Variants in EIF4EBP3 observed in about 807,000 individuals in gnomAD.
The protein encoded by EIF4EBP3 is eukaryotic translation initiation factor 4E-binding protein 3.
A neutral mutation model predicts 12.1 loss-of-function variants in EIF4EBP3; 11 were observed. The observed-to-expected ratio is 0.91, with a 90% CI of 0.57 to 1.51. The LOEUF is 1.51. Among genes scored for constraint, EIF4EBP3 ranks in the 40% most tolerant of loss-of-function variants. The pLI is 0.00. For missense variants in EIF4EBP3, 136 were observed against 131.8 expected (o/e 1.03, Z -0.16); for synonymous variants, 43 against 54.2 (o/e 0.79, Z 0.91).
intron 1 of EIF4EBP3, 147 bp from the exon 2 acceptor site, chr5:140,548,759 A>G (rs1754448346): frequency 1.7e-6 from 2 of 1,155,586 alleles, no homozygotes; most frequent in African/African-American, 1.6e-5. Context: ...CTGAGAACCT[A>G]GCTGGGCTTC....
At chr5:140,549,124 GC>G in intron 2 of EIF4EBP3, 48 bp downstream of exon 2, 1 of 1,613,868 alleles carries the variant, frequency 6.2e-7, no homozygotes, top group Admixed American at 1.7e-5. Flanking sequence ...GAGTTCAAAT[GC>G]CACTGTGACA....
In EIF4EBP3 at chr5:140,547,805, C is replaced by G. The variant is rs1754414633; in HGVS notation, c.68C>G (p.Thr23Arg). 1 of 1,526,700 alleles carries G rather than the reference C, an allele frequency of 6.6e-7. No homozygotes were observed. Among genetic ancestry groups the G allele is most frequent in the Non-Finnish European group, 8.8e-7 (1 of 1,134,734 alleles). The allele number at this position is 1,526,700 out of a possible 1,614,324, so 94.6% of individuals were successfully genotyped here. A position where few individuals can be genotyped will look rare whatever the true frequency, so the allele number is the denominator to read the frequency against. The change falls in exon 1 of 3, where the codon ACG becomes AGG. Residue 23 changes from threonine (T) to arginine (R), a missense_variant. Coordinates refer to ENST00000310331, the MANE Select transcript of EIF4EBP3 (RefSeq NM_003732.3). ...CAGCTGCCCGACTGCTACAGCACCA[C>G]GCCGGGGGGCACGCTATACGCCACT... ...RDQLPDCYST[T>R]PGGTLYATTP...
rs1449981039 is a variant in EIF4EBP3 at position 140,549,319 on chromosome 5, GCCA to G, written c.*63_*65del. The G allele has an allele frequency of 3.1e-6, 5 of 1,613,778 alleles. No homozygotes were observed. The African/African-American group carries it at 4.0e-5, about 13-fold the overall frequency. ...CAGAGGGATCCCTCATGCCACTGCT[GCCA>G]CCACCTCTTCCTGGGGCATCCAAAG... On this transcript the variant is annotated 3_prime_UTR_variant, in exon 3 of 3. Coordinates refer to ENST00000310331, the MANE Select transcript of EIF4EBP3 (RefSeq NM_003732.3).
At chr5:140,548,870 C>G (rs374191761) in intron 1 of EIF4EBP3, 36 bp from the exon 2 acceptor site, 10 of 1,590,540 alleles carry the variant, frequency 6.3e-6, no homozygotes, top group Non-Finnish European at 8.6e-6. Context: ...GGTACCCAAG[C>G]TCCTGACTCT....
intron 1 of EIF4EBP3, among the ~76,000 whole-genome samples, chr5:140,548,543 C>T (rs250425): frequency 0.19 from 29,429 of 152,098 alleles, 3,326 homozygotes; most frequent in East Asian, 0.27. Flanking sequence ...CTCACCTTCA[C>T]TGGTGAGACC....
chr5:140,548,105 T>C (rs1754424868), intron 1 of EIF4EBP3, among the ~76,000 whole-genome samples: 1 of 152,250 alleles, frequency 6.6e-6, no homozygotes, highest in South Asian at 2.1e-4. Context: ...ACACGCTCCT[T>C]ACCCCTCGCG....
chr5:140,549,217 G>T lies in EIF4EBP3; in HGVS notation c.275-17G>T. On this transcript the variant is annotated splice_polypyrimidine_tract_variant and intron_variant, in intron 2 of 2. Coordinates refer to ENST00000310331, the MANE Select transcript of EIF4EBP3 (RefSeq NM_003732.3). ...CCTCAGACCAGCAACCTGTCTTCCT[G>T]CCTTTTCTCTCTCCAGATGACGCAC... The T allele has an allele frequency of 6.2e-7, 1 of 1,614,162 alleles. No homozygotes were observed. The highest frequency in any genetic ancestry group is 2.2e-5 in the East Asian group (1 of 44,880).
In EIF4EBP3 at chr5:140,547,824, C is replaced by A. The variant is rs1287262389; in HGVS notation, c.87C>A (p.Tyr29Ter). The A allele has an allele frequency of 1.3e-6, 2 of 1,486,596 alleles. No homozygotes were observed. The highest frequency in any genetic ancestry group is 1.4e-5 in the African/African-American group (1 of 69,874). 92.1% of individuals were successfully genotyped at this position (1,486,596 alleles called of 1,614,324 possible). A position where few individuals can be genotyped will look rare whatever the true frequency, so the allele number is the denominator to read the frequency against. Residue 29 changes from tyrosine (Y) to a stop codon, truncating the protein, a stop_gained, in exon 1 of 3, where the codon TAC (tyrosine) becomes TAA (stop). Coordinates refer to ENST00000310331, the MANE Select transcript of EIF4EBP3 (RefSeq NM_003732.3). LOFTEE classifies it high-confidence loss of function. ...CYSTTPGGTL[Y>*]ATTPGGTRII... ...GCACCACGCCGGGGGGCACGCTATA[C>A]GCCACTACCCCCGGAGGTCAGCGGG... is the stretch of plus-strand genomic sequence containing the variant.
chr5:140,548,935 CTGCTGGAG>C lies in EIF4EBP3; in HGVS notation c.137_144del (p.Leu46GlnfsTer45). ...CAGGATCATCTACGACCGAAAGTTC[CTGCTGGAG>C]TGCAAGAACTCACCCATTGCCCGGA... is the stretch of plus-strand genomic sequence containing the variant. On this transcript the variant is annotated frameshift_variant, in exon 2 of 3. Coordinates refer to ENST00000310331, the MANE Select transcript of EIF4EBP3 (RefSeq NM_003732.3). LOFTEE classifies it high-confidence loss of function. 6.2e-7 allele frequency: 1 copy of C among 1,614,030 alleles called. No individual in the cohort carries two copies. Among genetic ancestry groups the C allele is most frequent in the Non-Finnish European group, 8.5e-7 (1 of 1,179,962 alleles).
At position 140,549,576 on chromosome 5, in the gene EIF4EBP3, A is replaced by G. The variant is rs1754482995; in HGVS notation, c.*314A>G. The G allele has an allele frequency of 4.7e-6, 2 of 421,746 alleles. No individual in the cohort carries two copies. The highest frequency in any genetic ancestry group is 8.9e-6 in the Non-Finnish European group (2 of 225,478). The allele number at this position is 421,746 out of a possible 1,614,324, so 26.1% of individuals were successfully genotyped here. ...GACTGCTTAGTAAACATTCAAAGAA[A>G]TGCCTTGGCTCCAGTGTTCTCCTCA... On this transcript the variant is annotated 3_prime_UTR_variant, in exon 3 of 3. Transcript: ENST00000310331.
chr5:140,549,291 T>C lies in EIF4EBP3; in HGVS notation c.*29T>C. On this transcript the variant is annotated 3_prime_UTR_variant, in exon 3 of 3. Coordinates refer to ENST00000310331, the MANE Select transcript of EIF4EBP3 (RefSeq NM_003732.3). ...AGTGCAGATGACCTGGCATGTGGAG[T>C]TACAGAGGGATCCCTCATGCCACTG... is the stretch of plus-strand genomic sequence containing the variant. The C allele has an allele frequency of 6.2e-7, 1 of 1,613,916 alleles. No individual in the cohort carries two copies. Among genetic ancestry groups the C allele is most frequent in the Non-Finnish European group, 8.5e-7 (1 of 1,179,942 alleles).
intron 1 of EIF4EBP3, 94 bp from the exon 2 acceptor site, chr5:140,548,812 C>T: frequency 6.7e-7 from 1 of 1,494,294 alleles, no homozygotes; most frequent in Non-Finnish European, 9.0e-7. Flanking sequence ...TGACACCACC[C>T]TCACCTCCAG....
At position 140,547,768 on chromosome 5, in the gene EIF4EBP3, G is replaced by T; in HGVS notation, c.31G>T (p.Gly11Trp). 1.3e-6 allele frequency: 2 copies of T among 1,541,158 alleles called. No individual in the cohort carries two copies. Among genetic ancestry groups the T allele is most frequent in the South Asian group, 2.4e-5 (2 of 83,424 alleles). Residue 11 changes from glycine (G) to tryptophan (W), a missense_variant, in exon 1 of 3, where the codon GGG (glycine) becomes TGG (tryptophan). Gly to Trp is a radical substitution (Grantham distance 184). Transcript: ENST00000310331. MSTSTSCPIPGGRDQLPDCYS... is the reference protein window; with the variant it reads MSTSTSCPIPWGRDQLPDCYS... Reference sequence around the variant, plus strand: ...AACGTCCACTAGCTGCCCGATTCCCGGGGGCCGGGACCAGCTGCCCGACTG... The same window carrying T: ...AACGTCCACTAGCTGCCCGATTCCCTGGGGCCGGGACCAGCTGCCCGACTG...
chr5:140,547,672 C>A lies in EIF4EBP3; in HGVS notation c.-66C>A. ...TGCACGTGGTCGGCTGAGTCCGCCT[C>A]AGACTCAGAGCTGCGCTCCTCGACC... On this transcript the variant is annotated 5_prime_UTR_variant, in exon 1 of 3. Transcript: ENST00000310331. 6 of 1,420,404 alleles carry A rather than the reference C, an allele frequency of 4.2e-6. No homozygotes were observed. Among genetic ancestry groups the A allele is most frequent in the Non-Finnish European group, 5.8e-6 (6 of 1,038,544 alleles). 88.0% of individuals were successfully genotyped at this position (1,420,404 alleles called of 1,614,324 possible).
Position 140,549,239 on chromosome 5 carries a change from G to A in EIF4EBP3, c.280G>A (p.Ala94Thr), listed in dbSNP as rs369165641. 2.6e-5 allele frequency: 42 copies of A among 1,614,022 alleles called. No homozygotes were observed. The highest frequency in any genetic ancestry group is 2.0e-4 in the East Asian group (9 of 44,886). The change falls in exon 3 of 3, where the codon GCA becomes ACA. Residue 94 changes from alanine to threonine, a missense_variant. Transcript: ENST00000310331. ...QETEEEIPDD[A>T]QFEMDI ...CCTGCCTTTTCTCTCTCCAGATGAC[G>A]CACAATTTGAAATGGACATCTAATC... is the stretch of plus-strand genomic sequence containing the variant.
chr5:140,548,638 A>C (rs986558150), intron 1 of EIF4EBP3, among the ~76,000 whole-genome samples: 10 of 152,136 alleles, frequency 6.6e-5, no homozygotes, highest in African/African-American at 2.4e-4. Context: ...CAAGATCTGA[A>C]GCTCTCCCAA....
intron 1 of EIF4EBP3, 110 bp downstream of exon 1, chr5:140,547,950 C>G: frequency 3.4e-6 from 3 of 879,406 alleles, no homozygotes; most frequent in Non-Finnish European, 3.2e-6. Context: ...GCAGGCCCCT[C>G]TACAGGTTGT....
rs780822444 is a variant in EIF4EBP3, at chr5:140,548,926, C to T, written c.124C>T (p.Arg42Ter). 2.3e-5 allele frequency: 37 copies of T among 1,613,710 alleles called. 1 individual carries two copies. In the South Asian group the frequency reaches 2.4e-4, roughly 11 times the overall value. ...GACAGGCACCAGGATCATCTACGAC[C>T]GAAAGTTCCTGCTGGAGTGCAAGAA... ...TPGGTRIIYD[R>*]KFLLECKNSP... Residue 42 changes from arginine to a stop codon, truncating the protein, a stop_gained, in exon 2 of 3, where the codon CGA (arginine) becomes TGA (stop). Transcript: ENST00000310331. LOFTEE classifies it high-confidence loss of function.
rs757813931 is a variant in EIF4EBP3, at chr5:140,548,907, C to A, written c.105C>A (p.Gly35=). 31 of 1,612,530 alleles carry A rather than the reference C, an allele frequency of 1.9e-5. No homozygotes were observed. The East Asian group carries it at 5.6e-4, about 29-fold the overall frequency. Residue 35 remains glycine (G), a splice_region_variant and synonymous_variant, in exon 2 of 3, where the codon GGC becomes GGA. Transcript: ENST00000310331. ...ACCTCAGTCCCAACCCCTTGACAGGCACCAGGATCATCTACGACCGAAAGT... is the reference window on the plus strand; with the variant it reads ...ACCTCAGTCCCAACCCCTTGACAGGAACCAGGATCATCTACGACCGAAAGT... The part of the protein sequence containing the change: ...GGTLYATTPG[G]TRIIYDRKFL...
Sources: gnomAD v4.1 joint callset for allele counts (sites outside exome capture counted in the v4.1 genomes callset) on GRCh38, gnomAD v4.1.1 for gene constraint, MANE v1.5 for transcripts, NCBI Gene and HGNC (gene_info 2026-07-23, HGNC 2026-07-21) for gene names.